Variants in PRKCA observed in about 807,000 individuals in gnomAD.
The protein encoded by PRKCA is protein kinase C alpha.
PRKCA carries 27 observed loss-of-function variants against 87.0 expected under a neutral mutation model. The observed-to-expected ratio is 0.31, with a 90% CI of 0.23 to 0.43. The LOEUF is 0.43. PRKCA is among the 20% of genes least tolerant of loss of function. The probability of loss-of-function intolerance (pLI) is 1.00; values close to 1 mark genes in which losing one functional copy is unlikely to be tolerated. For missense variants in PRKCA, 518 were observed against 852.3 expected (o/e 0.61, Z 4.88); for synonymous variants, 329 against 311.1 (o/e 1.06, Z -0.61).
intron 14 of PRKCA, among the ~76,000 whole-genome samples, chr17:66,781,887 A>ATATAGTGT (rs767300220): frequency 1.6e-5 from 2 of 125,548 alleles, no homozygotes; most frequent in Non-Finnish European, 3.3e-5. Context: ...ATATATATAT[A>ATATAGTGT]GTGTGTGTGT....
At chr17:66,322,673 T>C (rs887626630) in intron 2 of PRKCA, among the ~76,000 whole-genome samples, 1 of 148,796 alleles carries the variant, frequency 6.7e-6, no homozygotes, top group African/African-American at 2.5e-5. Flanking sequence ...GGGGTCTTGC[T>C]ATGTTGTCCA....
At chr17:66,510,230 A>G (rs1274541239) in intron 3 of PRKCA, among the ~76,000 whole-genome samples, 1 of 152,168 alleles carries the variant, frequency 6.6e-6, no homozygotes, top group African/African-American at 2.4e-5. Context: ...AATACCAGCC[A>G]CTTCCTGATT....
At chr17:66,554,409 T>C (rs980131640) in intron 3 of PRKCA, 31 of 343,118 alleles carry the variant, frequency 9.0e-5, no homozygotes, top group African/African-American at 6.5e-4. Flanking sequence ...GAGCCTCCAT[T>C]ACCAATCACG....
Position 66,804,920 on chromosome 17 carries a change from C to A in PRKCA, c.*883C>A. 1.1e-6 allele frequency: 1 copy of A among 900,136 alleles called. No individual in the cohort carries two copies. The highest frequency in any genetic ancestry group is 1.3e-6 in the Non-Finnish European group (1 of 751,948). 55.8% of individuals were successfully genotyped at this position (900,136 alleles called of 1,614,324 possible). On this transcript the variant is annotated 3_prime_UTR_variant, in exon 17 of 17. Transcript: ENST00000413366. ...TGTTGTTCACCAACACCCACCCCCA[C>A]ACACACCAACATTTTGCTGCCTACC...
At chr17:66,580,332 C>T (rs1023253589) in intron 3 of PRKCA, among the ~76,000 whole-genome samples, 4 of 152,204 alleles carry the variant, frequency 2.6e-5, no homozygotes, top group Admixed American at 2.0e-4. Flanking sequence ...CTGTGCACGA[C>T]CTGCTGGTGC....
At chr17:66,752,916 A>G (rs925585957) in intron 13 of PRKCA, among the ~76,000 whole-genome samples, 2 of 152,224 alleles carry the variant, frequency 1.3e-5, no homozygotes, top group South Asian at 4.1e-4. Context: ...AAAGACAGTG[A>G]GGACCAGGCA....
intron 2 of PRKCA, among the ~76,000 whole-genome samples, chr17:66,391,159 G>A (rs778888020): frequency 6.6e-5 from 10 of 152,336 alleles, no homozygotes; most frequent in Non-Finnish European, 1.3e-4. Flanking sequence ...TTGGAGAGCA[G>A]CGGGTGGGAG....
intron 3 of PRKCA, among the ~76,000 whole-genome samples, chr17:66,517,538 C>T (rs2144203821): frequency 6.6e-6 from 1 of 152,292 alleles, no homozygotes; most frequent in East Asian, 1.9e-4. Flanking sequence ...CAGAATCTGG[C>T]ATGTATCTGG....
At chr17:66,462,102 C>T (rs1451862692) in intron 2 of PRKCA, among the ~76,000 whole-genome samples, 2 of 152,136 alleles carry the variant, frequency 1.3e-5, no homozygotes, top group Admixed American at 6.5e-5. Flanking sequence ...TTTTAAACGT[C>T]GGGTCTGCTT....
At chr17:66,711,250 T>G (rs1428063182) in intron 8 of PRKCA, among the ~76,000 whole-genome samples, 1 of 152,208 alleles carries the variant, frequency 6.6e-6, no homozygotes, top group Non-Finnish European at 1.5e-5. Flanking sequence ...ATTTTAAGTT[T>G]TATAGGCATA....
intron 5 of PRKCA, among the ~76,000 whole-genome samples, chr17:66,650,569 C>A (rs368280601): frequency 6.6e-6 from 1 of 152,088 alleles, no homozygotes; most frequent in Non-Finnish European, 1.5e-5. Flanking sequence ...GAAGAAGAGT[C>A]TAATTTTCTC....
At chr17:66,498,089 A>G (rs1022173811) in intron 3 of PRKCA, among the ~76,000 whole-genome samples, 11 of 152,134 alleles carry the variant, frequency 7.2e-5, no homozygotes, top group African/African-American at 2.7e-4. Context: ...ACTTGCCTGC[A>G]TACAAACAAA....
chr17:66,803,990 T>C lies in PRKCA; in HGVS notation c.1972T>C (p.Tyr658His). ...IDQSDFEGFS[Y>H]VNPQFVHPIL... ...CCAGTCTGATTTTGAAGGGTTCTCG[T>C]ATGTCAACCCCCAGTTTGTGCACCC... Residue 658 changes from tyrosine (Y) to histidine (H), a missense_variant, in exon 17 of 17, where the codon TAT becomes CAT. Tyr to His is a moderately conservative substitution (Grantham distance 83, BLOSUM62 2). Coordinates refer to ENST00000413366, the MANE Select transcript of PRKCA (RefSeq NM_002737.3). The surrounding 1 kb of genome is among the most constrained non-coding windows in gnomAD (Gnocchi z 4.4). The C allele has an allele frequency of 6.2e-7, 1 of 1,613,984 alleles. No homozygotes were observed. The highest frequency in any genetic ancestry group is 1.3e-5 in the African/African-American group (1 of 75,042).
At chr17:66,762,854 C>T (rs894171174) in intron 13 of PRKCA, among the ~76,000 whole-genome samples, 5 of 152,174 alleles carry the variant, frequency 3.3e-5, no homozygotes, top group Non-Finnish European at 7.4e-5. Context: ...GAGTGCAGTG[C>T]ATCATGGCTC....
chr17:66,349,882 C>T (rs978885256), intron 2 of PRKCA, among the ~76,000 whole-genome samples: 2 of 152,024 alleles, frequency 1.3e-5, no homozygotes, highest in African/African-American at 4.8e-5. Context: ...GGAGCCATGG[C>T]TGCTGGAATT....
chr17:66,763,742 G>A (rs1355668808), intron 13 of PRKCA, among the ~76,000 whole-genome samples: 2 of 152,232 alleles, frequency 1.3e-5, no homozygotes, highest in Non-Finnish European at 2.9e-5. Flanking sequence ...TTAAGATTGG[G>A]CTCTAGGGGT....
chr17:66,325,463 A>G (rs981523485), intron 2 of PRKCA, among the ~76,000 whole-genome samples: 3 of 152,186 alleles, frequency 2.0e-5, no homozygotes, highest in East Asian at 3.8e-4. Context: ...CCACTTTAAA[A>G]AAAAATCTGG....
chr17:66,615,666 T>C (rs1970496933), intron 3 of PRKCA, among the ~76,000 whole-genome samples: 1 of 152,088 alleles, frequency 6.6e-6, no homozygotes, highest in Non-Finnish European at 1.5e-5. Flanking sequence ...TTGCCAGAGG[T>C]GCCTCCACTG....
intron 5 of PRKCA, among the ~76,000 whole-genome samples, chr17:66,652,256 G>A (rs1971609117): frequency 6.6e-6 from 1 of 152,162 alleles, no homozygotes; most frequent in Admixed American, 6.5e-5. Flanking sequence ...ACCGTGCCTG[G>A]CCAACCATTC....
Sources: allele counts gnomAD v4.1 joint callset (sites outside exome capture counted in the v4.1 genomes callset), GRCh38; gene constraint gnomAD v4.1.1; non-coding constraint Gnocchi (gnomAD v3.1); transcripts MANE v1.5; gene names NCBI Gene and HGNC (gene_info 2026-07-23, HGNC 2026-07-21).